Variants in NPAS3 observed in about 807,000 individuals in gnomAD.
NPAS3 encodes neuronal PAS domain-containing protein 3.
A neutral mutation model predicts 73.1 loss-of-function variants in NPAS3; 14 were observed. That is an observed-to-expected ratio of 0.19 (90% CI 0.13 to 0.30). NPAS3 has a LOEUF of 0.30. Among genes scored for constraint, NPAS3 ranks in the 10% least tolerant of loss-of-function variants. NPAS3 has a pLI of 1.00. For synonymous variants in NPAS3, 620 were observed against 541.5 expected, an observed-to-expected ratio of 1.14 and a Z score of -2.01; for missense variants, 1,096 against 1,250.0, an observed-to-expected ratio of 0.88 and a Z score of 1.86.
intron 5 of NPAS3, among the ~76,000 whole-genome samples, chr14:33,639,724 T>C (rs2058622634): frequency 6.6e-6 from 1 of 152,234 alleles, no homozygotes; most frequent in African/African-American, 2.4e-5. Flanking sequence ...ATATTTATTC[T>C]TTATGAATCT....
chr14:33,586,983 G>A (rs1415403148), intron 5 of NPAS3, among the ~76,000 whole-genome samples: 5 of 152,184 alleles, frequency 3.3e-5, no homozygotes, highest in Non-Finnish European at 4.4e-5. Context: ...GTGATAATCC[G>A]AGGACCGGCT....
intron 4 of NPAS3, among the ~76,000 whole-genome samples, chr14:33,498,931 AGAGAGTGTGTGTGTGTGTGTGTGTGTGT>A (rs1341999198): frequency 8.4e-6 from 1 of 119,298 alleles, no homozygotes; most frequent in African/African-American, 3.6e-5. Flanking sequence ...AGAGACAGAG[AGAGAGTGTGTGTGTGTGTGTGTGTGTGT>A]GTGTGTGTGT....
chr14:33,157,600 G>T (rs915899652), intron 2 of NPAS3, among the ~76,000 whole-genome samples: 2 of 151,830 alleles, frequency 1.3e-5, no homozygotes, highest in Non-Finnish European at 2.9e-5. Flanking sequence ...TCAAGAAAGA[G>T]AAAAAAAATT....
rs536728235 is a variant in NPAS3, at chr14:33,647,269, A to ACTCT, written c.559-28923_559-28920dup. Among the ~76,000 whole-genome samples, 596 of 148,142 alleles carry ACTCT rather than the reference A, an allele frequency of 4.0e-3. 1 individual carries two copies. The highest frequency in any genetic ancestry group is 0.011 in the Middle Eastern group (3 of 284). On this transcript the variant is annotated intron_variant, in intron 5 of 11. Coordinates refer to ENST00000356141, the Ensembl canonical transcript of NPAS3. ...CTTACTCAGTTTATTACATCTTCTT[A>ACTCT]CTCTCTCTCTCTCTCTCTCTCTATA...
intron 7 of NPAS3, among the ~76,000 whole-genome samples, chr14:33,736,295 A>T (rs2061522337): frequency 6.6e-6 from 1 of 152,212 alleles, no homozygotes; most frequent in Admixed American, 6.5e-5. Context: ...GCTGTATAGA[A>T]GTCAGAGTCA....
At chr14:33,054,406 A>G (rs2040811735) in intron 1 of NPAS3, among the ~76,000 whole-genome samples, 1 of 152,150 alleles carries the variant, frequency 6.6e-6, no homozygotes, top group Non-Finnish European at 1.5e-5. Flanking sequence ...GTATACATAT[A>G]CTTTATATAT....
chr14:33,414,327 C>T (rs552194324), intron 4 of NPAS3, among the ~76,000 whole-genome samples: 26 of 152,198 alleles, frequency 1.7e-4, no homozygotes, highest in African/African-American at 6.3e-4. Flanking sequence ...AAATCTTTGT[C>T]AGTGTCTTAT....
chr14:33,018,938 A>T (rs555227593), intron 1 of NPAS3, among the ~76,000 whole-genome samples: 2,737 of 104,760 alleles, frequency 0.026, 67 homozygotes, highest in African/African-American at 0.1. Context: ...CAAATTTATA[A>T]AAAAAAAAAC....
intron 4 of NPAS3, among the ~76,000 whole-genome samples, chr14:33,478,131 G>C (rs1021093715): frequency 1.3e-5 from 2 of 152,082 alleles, no homozygotes; most frequent in Non-Finnish European, 2.9e-5. Context: ...GAGAGGAAAT[G>C]TTTATCACTC....
chr14:33,022,457 G>A (rs1018559333), intron 1 of NPAS3, among the ~76,000 whole-genome samples: 3 of 152,128 alleles, frequency 2.0e-5, no homozygotes, highest in African/African-American at 7.2e-5. Flanking sequence ...GAGGTCAGGA[G>A]ATCGAGACCA....
At chr14:33,728,642 C>T (rs924744996) in intron 6 of NPAS3, among the ~76,000 whole-genome samples, 4 of 152,172 alleles carry the variant, frequency 2.6e-5, no homozygotes, top group African/African-American at 7.2e-5. Flanking sequence ...AAGGATCACA[C>T]TCTAGTATAC....
downstream of NPAS3, chr14:33,802,328 G>C (rs183391717): frequency 2.1e-5 from 3 of 141,340 alleles, no homozygotes; most frequent in East Asian, 6.1e-4. Context: ...TAAAGAATGG[G>C]TTAATAAGCT....
chr14:33,232,909 G>C (rs2047904118), intron 3 of NPAS3, among the ~76,000 whole-genome samples: 1 of 152,158 alleles, frequency 6.6e-6, no homozygotes, highest in South Asian at 2.1e-4. Context: ...AGGGCGAGTA[G>C]TGCTGGATGG....
chr14:33,159,125 G>A (rs2044755760), intron 2 of NPAS3, among the ~76,000 whole-genome samples: 1 of 152,062 alleles, frequency 6.6e-6, no homozygotes, highest in African/African-American at 2.4e-5. Context: ...TCACACCACT[G>A]CACTCCAGCC....
intron 1 of NPAS3, among the ~76,000 whole-genome samples, chr14:33,019,382 T>G (rs1414021165): frequency 6.6e-6 from 1 of 152,258 alleles, no homozygotes; most frequent in East Asian, 1.9e-4. Flanking sequence ...AATGCTGTCA[T>G]TAAGGCTTCA....
intron 3 of NPAS3, among the ~76,000 whole-genome samples, chr14:33,306,727 G>A (rs1038470246): frequency 2.0e-5 from 3 of 152,168 alleles, no homozygotes; most frequent in Non-Finnish European, 2.9e-5. Context: ...GCTGAATATT[G>A]TATTAGCCCT....
At position 33,328,446 on chromosome 14, in the gene NPAS3, C is replaced by CTTTTTTTTTTTTTTTTT. The variant is rs58411120; in HGVS notation, c.386-38718_386-38702dup. On this transcript the variant is annotated intron_variant, in intron 3 of 11. Coordinates refer to ENST00000356141, the Ensembl canonical transcript of NPAS3. ...TTTATCTTTCTTTTCCTTTTCTTTT[C>CTTTTTTTTTTTTTTTTT]TTTTTTTTTTTTTTTTTTTTTTTTT... Among the ~76,000 whole-genome samples the CTTTTTTTTTTTTTTTTT allele has an allele frequency of 1.8e-4, 9 of 49,598 alleles. 2 individuals carry two copies. Among genetic ancestry groups the CTTTTTTTTTTTTTTTTT allele is most frequent in the Non-Finnish European group, 2.6e-4 (7 of 26,756 alleles). 32.5% of individuals were successfully genotyped at this position (49,598 alleles called of 152,430 possible).
intron 3 of NPAS3, among the ~76,000 whole-genome samples, chr14:33,310,747 G>C (rs1440201): frequency 0.48 from 72,908 of 150,370 alleles, 18,911 homozygotes; most frequent in African/African-American, 0.67. Context: ...ATGGTGTTGT[G>C]TACCATGGAG....
At chr14:33,042,280 T>C (rs1208003556) in intron 1 of NPAS3, among the ~76,000 whole-genome samples, 1 of 152,122 alleles carries the variant, frequency 6.6e-6, no homozygotes, top group Non-Finnish European at 1.5e-5. Flanking sequence ...TTATTAGAAA[T>C]CACATATGGA....
Sources: allele counts gnomAD v4.1 joint callset (sites outside exome capture counted in the v4.1 genomes callset), GRCh38; gene constraint gnomAD v4.1.1; transcripts MANE v1.5; gene names NCBI Gene and HGNC (gene_info 2026-07-23, HGNC 2026-07-21).